LRPPRC: variants seen among roughly 807,000 people sequenced by gnomAD.
LRPPRC encodes leucine-rich PPR motif-containing protein, mitochondrial.
LRPPRC carries 120 observed loss-of-function variants against 180.3 expected under a neutral mutation model. The ratio of observed to expected loss-of-function variants is 0.67; its 90% CI spans 0.57 to 0.77. The LOEUF (loss-of-function observed/expected upper bound fraction) is 0.77, where lower values mean the gene tolerates loss of function less well. Ranked by LOEUF, LRPPRC falls within the 30% of genes least tolerant of loss-of-function variation. LRPPRC has a pLI of 0.00. For synonymous variants in LRPPRC, 723 were observed against 600.0 expected, an observed-to-expected ratio of 1.21 and a Z score of -3.00; for missense variants, 2,012 against 1,657.2, an observed-to-expected ratio of 1.21 and a Z score of -3.72.
chr2:43,903,376 T>C (rs1453068678), intron 31 of LRPPRC: 1 of 152,240 alleles, frequency 6.6e-6, no homozygotes, highest in Admixed American at 6.5e-5. Flanking sequence ...GGCTTTATTT[T>C]TTCTTTCTGC....
At chr2:43,910,648 A>T (rs17578422) in intron 30 of LRPPRC, among the ~76,000 whole-genome samples, 33,929 of 152,074 alleles carry the variant, frequency 0.22, 4,125 homozygotes, top group East Asian at 0.45. Context: ...ACATGCGATC[A>T]GAATGCTTAA....
At chr2:43,902,930 G>C (rs564475397) in intron 31 of LRPPRC, 1 of 152,194 alleles carries the variant, frequency 6.6e-6, no homozygotes, top group Non-Finnish European at 1.5e-5. Context: ...AGTTTAAACA[G>C]CTACTGTCAC....
chr2:43,910,546 T>C (rs969595480), intron 30 of LRPPRC, among the ~76,000 whole-genome samples: 1 of 152,232 alleles, frequency 6.6e-6, no homozygotes, highest in African/African-American at 2.4e-5. Context: ...TAAATCTCTT[T>C]TTAAAAATTT....
chr2:43,980,596 G>A (rs1221610109), intron 2 of LRPPRC, among the ~76,000 whole-genome samples: 1 of 150,110 alleles, frequency 6.7e-6, no homozygotes, highest in South Asian at 2.1e-4. Context: ...GAGAGAGAGA[G>A]AGAGAAAGAA....
intron 11 of LRPPRC, among the ~76,000 whole-genome samples, chr2:43,964,509 C>A (rs1351647436): frequency 6.6e-6 from 1 of 152,032 alleles, no homozygotes; most frequent in African/African-American, 2.4e-5. Flanking sequence ...TTAAAACTCC[C>A]CCTAAAAGTC....
At chr2:43,947,020 C>T (rs1418358180) in intron 20 of LRPPRC, among the ~76,000 whole-genome samples, 1 of 152,056 alleles carries the variant, frequency 6.6e-6, no homozygotes, top group Non-Finnish European at 1.5e-5. Flanking sequence ...TATGATAAAC[C>T]TATCACAGCT....
At chr2:43,986,692 C>CAGACGGTCTCATTCTG (rs77432333) in intron 1 of LRPPRC, among the ~76,000 whole-genome samples, 24 of 152,172 alleles carry the variant, frequency 1.6e-4, no homozygotes, top group East Asian at 1.5e-3. Context: ...GGTTAGCACT[C>CAGACGGTCTCATTCTG]AGACGGTCTC....
At chr2:43,938,157 T>C (rs1032706128) in intron 23 of LRPPRC, among the ~76,000 whole-genome samples, 2 of 150,792 alleles carry the variant, frequency 1.3e-5, no homozygotes, top group East Asian at 3.9e-4. Context: ...TAAAAGAAAA[T>C]CAACTCTGTA....
In LRPPRC at chr2:43,899,561, G is replaced by A. The variant is rs1456334011; in HGVS notation, c.3614C>T (p.Thr1205Ile). ...AAIENIENML[T>I]SENKVIEPQY... ...GGGTTCAATGACTTTATTCTCTGAA[G>A]TAAGCATATTTTCAATGTTTTCTAT... Residue 1205 changes from threonine (T) to isoleucine (I), a missense_variant, in exon 33 of 38, where the codon ACT becomes ATT. Thr to Ile is a moderately conservative substitution (Grantham distance 89). Coordinates refer to ENST00000260665, the MANE Select transcript of LRPPRC (RefSeq NM_133259.4). 1 of 1,610,034 alleles carries A rather than the reference G, an allele frequency of 6.2e-7. No homozygotes were observed. The highest frequency in any genetic ancestry group is 8.5e-7 in the Non-Finnish European group (1 of 1,176,352).
chr2:43,904,255 C>T (rs1413813375), intron 31 of LRPPRC, among the ~76,000 whole-genome samples: 1 of 152,098 alleles, frequency 6.6e-6, no homozygotes, highest in Non-Finnish European at 1.5e-5. Flanking sequence ...AAAGTCTGGG[C>T]ACAAGAAGTG....
chr2:43,990,564 G>A (rs987788909), intron 1 of LRPPRC, among the ~76,000 whole-genome samples: 8 of 152,052 alleles, frequency 5.3e-5, no homozygotes, highest in African/African-American at 1.4e-4. Context: ...ACAGCTACAC[G>A]GGATAAACGG....
rs1047293445 is a variant in LRPPRC, at chr2:43,943,729, G to C, written c.2462C>G (p.Ser821Cys). 6.2e-7 allele frequency: 1 copy of C among 1,613,466 alleles called. No individual in the cohort carries two copies. The highest frequency in any genetic ancestry group is 1.3e-5 in the African/African-American group (1 of 75,024). ...GACCAATGGGAAACTTATGTTGGTGGATGGTTCTGCTAACCCTAGAGTCAC... is the reference window on the plus strand; with the variant it reads ...GACCAATGGGAAACTTATGTTGGTGCATGGTTCTGCTAACCCTAGAGTCAC... ...AIVTLGLAEP[S>C]TNISFPLVTV... is the part of the protein sequence containing the mutation. The change falls in exon 23 of 38, where the codon TCC (serine) becomes TGC (cysteine). Residue 821 changes from serine to cysteine, a missense_variant. Physicochemically the swap from Ser to Cys is moderately radical, Grantham distance 112. Coordinates refer to ENST00000260665, the MANE Select transcript of LRPPRC (RefSeq NM_133259.4).
intron 35 of LRPPRC, among the ~76,000 whole-genome samples, chr2:43,895,406 C>G (rs1260349701): frequency 6.6e-6 from 1 of 152,230 alleles, no homozygotes; most frequent in Non-Finnish European, 1.5e-5. Context: ...CTATTTTAAA[C>G]TGTCCTGGGT....
intron 30 of LRPPRC, 87 bp downstream of exon 30, chr2:43,912,345 C>T (rs2105012929): frequency 2.4e-6 from 3 of 1,235,264 alleles, no homozygotes; most frequent in Non-Finnish European, 3.6e-6. Flanking sequence ...AATTTTACTA[C>T]ACAGCACATT....
chr2:43,950,710 T>C, intron 14 of LRPPRC, 110 bp from the exon 15 acceptor site: 1 of 802,290 alleles, frequency 1.2e-6, no homozygotes, highest in South Asian at 1.4e-5. Flanking sequence ...AAATAAATGT[T>C]TGCTGTATCA....
chr2:43,971,106 A>G (rs1437032748), intron 11 of LRPPRC, among the ~76,000 whole-genome samples: 2 of 151,970 alleles, frequency 1.3e-5, no homozygotes, highest in Non-Finnish European at 2.9e-5. Context: ...GTCAAAAAAA[A>G]AAAAAAAGCA....
chr2:43,917,999 A>AC, intron 29 of LRPPRC, 26 bp downstream of exon 29: 1 of 916,188 alleles, frequency 1.1e-6, no homozygotes, highest in Non-Finnish European at 1.7e-6. Context: ...CCCCCCACAC[A>AC]CACCCCCATC....
chr2:43,961,516 A>G (rs1220266511), intron 12 of LRPPRC, among the ~76,000 whole-genome samples: 1 of 152,228 alleles, frequency 6.6e-6, no homozygotes, highest in Non-Finnish European at 1.5e-5. Context: ...GAAAGAACAT[A>G]CATGCTAAGC....
chr2:43,889,357 G>A (rs1440283444), intron 37 of LRPPRC, among the ~76,000 whole-genome samples: 16 of 123,844 alleles, frequency 1.3e-4, no homozygotes, highest in East Asian at 2.2e-4. Context: ...TTTCCTAGAC[G>A]AAGAAATAAA....
Sources: allele counts gnomAD v4.1 joint callset (sites outside exome capture counted in the v4.1 genomes callset), GRCh38; gene constraint gnomAD v4.1.1; transcripts MANE v1.5; gene names NCBI Gene and HGNC (gene_info 2026-07-23, HGNC 2026-07-21).